Variants in NFIB observed in about 807,000 individuals in gnomAD.
NFIB encodes nuclear factor I B, also known as nuclear factor 1 B-type.
NFIB carries 11 observed loss-of-function variants against 61.5 expected under a neutral mutation model. That is an observed-to-expected ratio of 0.18 (90% CI 0.11 to 0.30). The LOEUF (loss-of-function observed/expected upper bound fraction) is 0.30. Ranked by LOEUF, NFIB falls within the 10% of genes least tolerant of loss-of-function variation. The probability of loss-of-function intolerance (pLI) is 1.00; values close to 1 mark genes in which losing one functional copy is unlikely to be tolerated. For missense variants in NFIB, 471 were observed against 608.9 expected (o/e 0.77, Z 2.38); for synonymous variants, 260 against 216.5 (o/e 1.20, Z -1.76).
At chr9:14,171,534 G>C (rs899758245) in intron 3 of NFIB, among the ~76,000 whole-genome samples, 3 of 152,226 alleles carry the variant, frequency 2.0e-5, no homozygotes, top group African/African-American at 7.2e-5. Flanking sequence ...GTAACTGAGA[G>C]GTAAAAGTAA....
the NFIB span, among the ~76,000 whole-genome samples, chr9:14,493,762 A>T: frequency 0.51 from 77,955 of 152,016 alleles, 21,318 homozygotes; most frequent in African/African-American, 0.67. Flanking sequence ...AATATGAAAG[A>T]CTTTCTTTAA....
intron 2 of NFIB, among the ~76,000 whole-genome samples, chr9:14,284,660 C>A (rs528872984): frequency 2.6e-5 from 4 of 152,224 alleles, no homozygotes; most frequent in African/African-American, 9.6e-5. Flanking sequence ...ACAGAAAGAG[C>A]CCAGAGTCCA....
chr9:14,389,371 A>G (rs1564052454), intron 1 of NFIB, among the ~76,000 whole-genome samples: 1 of 152,148 alleles, frequency 6.6e-6, no homozygotes, highest in African/African-American at 2.4e-5. Context: ...CAAGCACCAC[A>G]AATTTAAGCT....
At chr9:14,464,731 A>C in the NFIB span, among the ~76,000 whole-genome samples, 1 of 152,104 alleles carries the variant, frequency 6.6e-6, no homozygotes, top group Non-Finnish European at 1.5e-5. Flanking sequence ...CAGAACCCTA[A>C]AGATCTCAGT....
At chr9:14,474,392 AC>A in the NFIB span, among the ~76,000 whole-genome samples, 8 of 151,778 alleles carry the variant, frequency 5.3e-5, no homozygotes, top group Non-Finnish European at 8.8e-5. Flanking sequence ...AAACCTAATC[AC>A]CCCCCAATGA....
intron 2 of NFIB, among the ~76,000 whole-genome samples, chr9:14,242,103 T>TTA (rs1373495024): frequency 4.6e-5 from 7 of 152,202 alleles, no homozygotes; most frequent in Non-Finnish European, 7.3e-5. Flanking sequence ...TATCAGATAT[T>TTA]TAATATGTTA....
At chr9:14,438,228 A>G in the NFIB span, among the ~76,000 whole-genome samples, 1 of 152,120 alleles carries the variant, frequency 6.6e-6, no homozygotes, top group African/African-American at 2.4e-5. Flanking sequence ...TTTTAGGGGG[A>G]AAATAAGATA....
intron 2 of NFIB, among the ~76,000 whole-genome samples, chr9:14,193,811 G>T (rs1168371479): frequency 1.3e-5 from 2 of 152,166 alleles, no homozygotes; most frequent in Non-Finnish European, 2.9e-5. Context: ...CTAGAGGCAA[G>T]TGACATAACG....
At chr9:14,462,265 T>C in the NFIB span, among the ~76,000 whole-genome samples, 1 of 152,048 alleles carries the variant, frequency 6.6e-6, no homozygotes, top group Non-Finnish European at 1.5e-5. Context: ...GTATTCTTTT[T>C]TCTTTTTTTT....
chr9:14,221,432 T>G (rs1007946252), intron 2 of NFIB, among the ~76,000 whole-genome samples: 2 of 152,198 alleles, frequency 1.3e-5, no homozygotes, highest in Admixed American at 6.5e-5. Flanking sequence ...ATAATTATTT[T>G]GTATTTATAT....
the NFIB span, among the ~76,000 whole-genome samples, chr9:14,427,937 G>GTTTTTTGTTTTTTTTTTTTTTT: frequency 2.3e-5 from 1 of 43,384 alleles, no homozygotes; most frequent in Non-Finnish European, 4.4e-5. Flanking sequence ...TAATTCAGTT[G>GTTTTTTGTTTTTTTTTTTTTTT]TTTTTTTTTT....
chr9:14,420,685 A>G, the NFIB span, among the ~76,000 whole-genome samples: 1 of 152,138 alleles, frequency 6.6e-6, no homozygotes. Flanking sequence ...CCAAGGGCCC[A>G]GAAAACCCGC....
At chr9:14,229,574 T>C (rs905947508) in intron 2 of NFIB, among the ~76,000 whole-genome samples, 6 of 152,218 alleles carry the variant, frequency 3.9e-5, no homozygotes, top group Admixed American at 6.5e-5. Flanking sequence ...AAAAAATCTT[T>C]ACTAATTTTA....
intron 2 of NFIB, among the ~76,000 whole-genome samples, chr9:14,258,560 T>A (rs73415780): frequency 0.027 from 4,151 of 152,322 alleles, 183 homozygotes; most frequent in African/African-American, 0.093. Flanking sequence ...TGCCAACTTA[T>A]AGTATTTTTA....
At chr9:14,322,950 G>T (rs1028052867) in intron 1 of NFIB, among the ~76,000 whole-genome samples, 8 of 152,200 alleles carry the variant, frequency 5.3e-5, no homozygotes, top group Admixed American at 5.2e-4. Context: ...GCCCCTCGCC[G>T]GCCTTCTGGA....
At position 14,194,427 on chromosome 9, in the gene NFIB, G is replaced by A. The variant is rs1039733938; in HGVS notation, c.563-14647C>T. 5.9e-5 allele frequency among the ~76,000 whole-genome samples: 9 copies of A among 152,202 alleles called. 1 individual carries two copies. The highest frequency in any genetic ancestry group is 4.2e-4 in the South Asian group (2 of 4,814). On this transcript the variant is annotated intron_variant, in intron 2 of 10. Coordinates refer to ENST00000380953, the MANE Select transcript of NFIB (RefSeq NM_001190737.2). ...CAGAAATAGCCCTTGACTTTTTCTC[G>A]TAATGGCAGGTAGAATGGGTGGGAC... is the stretch of plus-strand genomic sequence containing the variant.
chr9:14,317,274 G>T (rs898744232), upstream of NFIB: 1 of 152,166 alleles, frequency 6.6e-6, no homozygotes, highest in Non-Finnish European at 1.5e-5. Context: ...ACGAAAAATT[G>T]ACAAGTATTA....
chr9:14,481,828 G>A, the NFIB span, among the ~76,000 whole-genome samples: 1 of 152,108 alleles, frequency 6.6e-6, no homozygotes, highest in Non-Finnish European at 1.5e-5. Context: ...TAGAAATCAT[G>A]CTTTTTGGTC....
intron 2 of NFIB, among the ~76,000 whole-genome samples, chr9:14,279,911 T>C (rs1460416021): frequency 3.3e-5 from 5 of 152,228 alleles, no homozygotes; most frequent in African/African-American, 9.6e-5. Flanking sequence ...CCCTCACATC[T>C]TTCGTGCTTT....
Sources: allele counts gnomAD v4.1 joint callset (sites outside exome capture counted in the v4.1 genomes callset), GRCh38; gene constraint gnomAD v4.1.1; transcripts MANE v1.5; gene names NCBI Gene and HGNC (gene_info 2026-07-23, HGNC 2026-07-21).